The following ROBO1 variants were observed in gnomAD, a reference collection of about 807,000 sequenced individuals.
ROBO1 encodes the protein roundabout homolog 1.
Under a neutral mutation model 195.9 loss-of-function variants are expected in ROBO1, and 149 were observed. The observed-to-expected ratio is 0.76, with a 90% confidence interval of 0.67 to 0.87. The LOEUF (loss-of-function observed/expected upper bound fraction) is 0.87, where lower values mean the gene tolerates loss of function less well. Ranked by LOEUF, ROBO1 falls within the 40% of genes least tolerant of loss-of-function variation. The pLI is 0.00. For synonymous variants in ROBO1, 816 were observed against 733.2 expected, an observed-to-expected ratio of 1.11 and a Z score of -1.82; for missense variants, 1,933 against 2,068.3, an observed-to-expected ratio of 0.93 and a Z score of 1.27.
chr3:78,731,802 C>T (rs533252674), intron 5 of ROBO1, among the ~76,000 whole-genome samples: 3 of 152,204 alleles, frequency 2.0e-5, no homozygotes, highest in Non-Finnish European at 4.4e-5. Flanking sequence ...AAAAGCTTAA[C>T]ATCTGAAAAA....
chr3:79,085,842 T>A (rs2108474836), intron 3 of ROBO1, among the ~76,000 whole-genome samples: 1 of 152,302 alleles, frequency 6.6e-6, no homozygotes, highest in South Asian at 2.1e-4. Context: ...GGACGTAACT[T>A]CATTACTATA....
At chr3:79,163,714 T>G (rs987802330) in intron 2 of ROBO1, among the ~76,000 whole-genome samples, 1 of 152,148 alleles carries the variant, frequency 6.6e-6, no homozygotes, top group African/African-American at 2.4e-5. Flanking sequence ...TTGTTGTTGT[T>G]GTTTTTTATA....
intron 3 of ROBO1, among the ~76,000 whole-genome samples, chr3:78,943,882 T>C (rs1297195584): frequency 6.6e-6 from 1 of 152,242 alleles, no homozygotes; most frequent in African/African-American, 2.4e-5. Context: ...TGTATAACCT[T>C]CAGGAAAAAG....
intron 2 of ROBO1, among the ~76,000 whole-genome samples, chr3:79,543,039 A>G: frequency 6.6e-6 from 1 of 152,164 alleles, no homozygotes; most frequent in East Asian, 1.9e-4. Context: ...ATATTATTTG[A>G]TTAAAATATG....
At chr3:78,807,090 G>T (rs1409310519) in intron 4 of ROBO1, among the ~76,000 whole-genome samples, 1 of 152,102 alleles carries the variant, frequency 6.6e-6, no homozygotes, top group Non-Finnish European at 1.5e-5. Context: ...TTACAGGAGT[G>T]AGCCACCGTG....
chr3:79,016,910 T>C (rs759130676), intron 3 of ROBO1, among the ~76,000 whole-genome samples: 5 of 152,164 alleles, frequency 3.3e-5, no homozygotes, highest in African/African-American at 4.8e-5. Context: ...TTTAATGTTT[T>C]TGATTTGCAT....
chr3:79,344,140 G>C (rs956036698), intron 2 of ROBO1, among the ~76,000 whole-genome samples: 1 of 152,148 alleles, frequency 6.6e-6, no homozygotes, highest in Non-Finnish European at 1.5e-5. Flanking sequence ...TATAATTCGG[G>C]TGTAAAATAA....
intron 4 of ROBO1, among the ~76,000 whole-genome samples, chr3:78,931,559 T>G (rs1445363229): frequency 6.6e-6 from 1 of 152,148 alleles, no homozygotes; most frequent in Non-Finnish European, 1.5e-5. Context: ...AACAACATTT[T>G]CAATGTCCAT....
At chr3:79,010,097 A>G (rs1237988320) in intron 3 of ROBO1, among the ~76,000 whole-genome samples, 1 of 152,192 alleles carries the variant, frequency 6.6e-6, no homozygotes, top group Non-Finnish European at 1.5e-5. Context: ...AGACAGTAAG[A>G]TGTAACATAA....
intron 2 of ROBO1, among the ~76,000 whole-genome samples, chr3:79,556,917 T>G (rs1221530386): frequency 1.3e-5 from 2 of 151,296 alleles, no homozygotes; most frequent in Admixed American, 6.6e-5. Context: ...AAAATAAAAA[T>G]TTTTTACTTT....
chr3:78,663,709 C>T (rs926396697), intron 14 of ROBO1, among the ~76,000 whole-genome samples: 5 of 152,128 alleles, frequency 3.3e-5, no homozygotes, highest in African/African-American at 9.7e-5. Flanking sequence ...TGTGGTAAGA[C>T]ATAAAAAGTG....
intron 3 of ROBO1, among the ~76,000 whole-genome samples, chr3:79,016,876 G>A (rs2077953336): frequency 6.6e-6 from 1 of 152,190 alleles, no homozygotes; most frequent in African/African-American, 2.4e-5. Flanking sequence ...ACACAGCCAA[G>A]GGAGGCAAAT....
chr3:78,806,533 C>G (rs868290457), intron 4 of ROBO1, among the ~76,000 whole-genome samples: 1 of 152,092 alleles, frequency 6.6e-6, no homozygotes, highest in South Asian at 2.1e-4. Context: ...ACGTGGGCAG[C>G]AGGTTTCAAG....
At chr3:79,748,876 G>A (rs1703993582) in intron 1 of ROBO1, among the ~76,000 whole-genome samples, 1 of 152,086 alleles carries the variant, frequency 6.6e-6, no homozygotes, top group South Asian at 2.1e-4. Flanking sequence ...TTTCTTCCCA[G>A]TCTCAGGCAT....
chr3:79,033,035 C>A (rs957580199), intron 3 of ROBO1, among the ~76,000 whole-genome samples: 4 of 152,138 alleles, frequency 2.6e-5, no homozygotes, highest in Non-Finnish European at 5.9e-5. Flanking sequence ...AACATTAAAA[C>A]ATGAATTTTA....
At chr3:79,654,410 A>G (rs1008903378) in intron 1 of ROBO1, among the ~76,000 whole-genome samples, 2 of 152,006 alleles carry the variant, frequency 1.3e-5, no homozygotes, top group African/African-American at 4.8e-5. Context: ...TTCTATTCCA[A>G]TGCTGTCATT....
intron 3 of ROBO1, among the ~76,000 whole-genome samples, chr3:79,122,822 C>T (rs1176065963): frequency 1.3e-5 from 2 of 151,680 alleles, no homozygotes; most frequent in African/African-American, 4.8e-5. Flanking sequence ...TTCATGTTCC[C>T]CCCAAAAATG....
chr3:79,403,170 C>T (rs940178722), intron 2 of ROBO1, among the ~76,000 whole-genome samples: 5 of 152,006 alleles, frequency 3.3e-5, no homozygotes, highest in Middle Eastern at 6.8e-3. Flanking sequence ...AATGCTGTAA[C>T]AAGGCTCGAT....
At chr3:78,801,438 A>G (rs2084368191) in intron 4 of ROBO1, among the ~76,000 whole-genome samples, 1 of 152,172 alleles carries the variant, frequency 6.6e-6, no homozygotes, top group South Asian at 2.1e-4. Flanking sequence ...TATTAATATC[A>G]AAGTCTAAAA....
Sources: allele counts gnomAD v4.1 joint callset (sites outside exome capture counted in the v4.1 genomes callset), GRCh38; gene constraint gnomAD v4.1.1; transcripts MANE v1.5; gene names NCBI Gene and HGNC (gene_info 2026-07-23, HGNC 2026-07-21).